The following SH3BGRL variants were observed in gnomAD, a reference collection of about 807,000 sequenced individuals.
SH3BGRL encodes the protein SH3 domain binding glutamate rich protein like, also known as adapter SH3BGRL.
In SH3BGRL, 7 loss-of-function variants were observed where a neutral mutation model predicts 9.8. That is an observed-to-expected ratio of 0.72 (90% CI 0.41 to 1.35). SH3BGRL has a LOEUF of 1.35. Among genes scored for constraint, SH3BGRL ranks in the 40% most tolerant of loss-of-function variants. The pLI, the probability that SH3BGRL is intolerant of heterozygous loss-of-function variation, is 0.01. For missense variants in SH3BGRL, 73 were observed against 84.4 expected, an observed-to-expected ratio of 0.86 and a Z score of 0.53; for synonymous variants, 36 against 29.1, an observed-to-expected ratio of 1.24 and a Z score of -0.76.
chrX:81,233,134 T>G (rs1378619440), intron 1 of SH3BGRL, among the ~76,000 whole-genome samples: 2 of 111,790 alleles, frequency 1.8e-5, no homozygotes, highest in Non-Finnish European at 3.8e-5. Context: ...AGTAGTTGAA[T>G]TTTTACAATT....
chrX:81,272,502 CTTTT>C (rs748353277), intron 1 of SH3BGRL, among the ~76,000 whole-genome samples: 3 of 95,655 alleles, frequency 3.1e-5, no homozygotes, highest in Non-Finnish European at 4.2e-5. Context: ...TTTTTCTTTT[CTTTT>C]TTTTTTTTTT....
intron 1 of SH3BGRL, among the ~76,000 whole-genome samples, chrX:81,214,250 C>T (rs899102582): frequency 5.4e-5 from 6 of 110,936 alleles, no homozygotes; most frequent in African/African-American, 9.8e-5. Context: ...TGGAGAAAAG[C>T]GGTTTCAGTA....
chrX:81,251,419 G>GTT (rs747200527), intron 1 of SH3BGRL, among the ~76,000 whole-genome samples: 13 of 103,495 alleles, frequency 1.3e-4, no homozygotes, highest in African/African-American at 4.6e-4. Context: ...ACAAATTACT[G>GTT]TTTTTTTTTT....
chrX:81,233,554 A>G (rs186565820), intron 1 of SH3BGRL, among the ~76,000 whole-genome samples: 373 of 111,317 alleles, frequency 3.4e-3, no homozygotes, highest in African/African-American at 0.012. Context: ...AGGATTTTAC[A>G]CTGACATGAC....
intron 1 of SH3BGRL, among the ~76,000 whole-genome samples, chrX:81,269,706 C>G (rs754883979): frequency 9.0e-6 from 1 of 110,500 alleles, no homozygotes; most frequent in South Asian, 3.9e-4. Flanking sequence ...TGGAGTTGCT[C>G]TTCTTGAGGG....
chrX:81,221,507 A>G (rs986264549), intron 1 of SH3BGRL, among the ~76,000 whole-genome samples: 5 of 111,729 alleles, frequency 4.5e-5, no homozygotes, highest in African/African-American at 1.6e-4. Context: ...ATTACTATAT[A>G]AGTAAAGATA....
intron 1 of SH3BGRL, 175 bp downstream of exon 1, chrX:81,202,420 T>TC (rs1300303373): frequency 3.9e-6 from 4 of 1,026,406 alleles, no homozygotes; most frequent in Non-Finnish European, 1.2e-6. Flanking sequence ...ATTTCATTTT[T>TC]TTTTTTTTCC....
intron 1 of SH3BGRL, among the ~76,000 whole-genome samples, chrX:81,222,283 T>C (rs953773195): frequency 1.8e-5 from 2 of 108,515 alleles, no homozygotes; most frequent in Non-Finnish European, 3.8e-5. Flanking sequence ...TAACTCGTCA[T>C]TTAACATTAG....
intron 1 of SH3BGRL, among the ~76,000 whole-genome samples, chrX:81,273,097 C>T (rs1052444481): frequency 1.8e-5 from 2 of 111,834 alleles, no homozygotes; most frequent in Admixed American, 9.4e-5. Flanking sequence ...ATGCTGTCAC[C>T]TTTGTGAGCT....
At chrX:81,204,198 G>GTAA (rs1486452847) in intron 1 of SH3BGRL, among the ~76,000 whole-genome samples, 2 of 111,951 alleles carry the variant, frequency 1.8e-5, no homozygotes, top group African/African-American at 6.5e-5. Flanking sequence ...ATCTACTGTA[G>GTAA]TAATTATAGT....
intron 1 of SH3BGRL, among the ~76,000 whole-genome samples, chrX:81,250,526 T>G (rs971716847): frequency 8.9e-6 from 1 of 112,477 alleles, no homozygotes; most frequent in Non-Finnish European, 1.9e-5. Flanking sequence ...AAGTTTGGTG[T>G]TGTACTCCAT....
chrX:81,241,593 G>C (rs966778374), intron 1 of SH3BGRL, among the ~76,000 whole-genome samples: 4 of 111,842 alleles, frequency 3.6e-5, no homozygotes, highest in African/African-American at 1.3e-4. Context: ...CCCACTTTTG[G>C]TCTCCTGAGT....
At chrX:81,250,905 C>T (rs946851560) in intron 1 of SH3BGRL, among the ~76,000 whole-genome samples, 1 of 111,634 alleles carries the variant, frequency 9.0e-6, no homozygotes, top group African/African-American at 3.3e-5. Flanking sequence ...CATTTTGTGA[C>T]CTGATATGAA....
chrX:81,279,747 C>G (rs1385010306), intron 3 of SH3BGRL, among the ~76,000 whole-genome samples: 1 of 110,729 alleles, frequency 9.0e-6, no homozygotes. Flanking sequence ...GGAGGGTGGC[C>G]AGAGGAGCAG....
At chrX:81,213,236 A>G (rs1378925248) in intron 1 of SH3BGRL, among the ~76,000 whole-genome samples, 1 of 111,900 alleles carries the variant, frequency 8.9e-6, no homozygotes. Flanking sequence ...ATAGTTGACT[A>G]TCTCCCAGTG....
chrX:81,255,522 A>T (rs2075723212), intron 1 of SH3BGRL: 1 of 111,981 alleles, frequency 8.9e-6, no homozygotes, highest in Non-Finnish European at 1.9e-5. Context: ...AATAATAATT[A>T]TTAAGGATAT....
intron 1 of SH3BGRL, among the ~76,000 whole-genome samples, chrX:81,229,274 A>G (rs910582305): frequency 1.8e-5 from 2 of 111,146 alleles, no homozygotes; most frequent in Non-Finnish European, 3.8e-5. Flanking sequence ...CTGACCCCAC[A>G]ACAGTGTCTT....
intron 3 of SH3BGRL, among the ~76,000 whole-genome samples, chrX:81,287,704 T>TC (rs1404504352): frequency 1.8e-5 from 2 of 109,761 alleles, no homozygotes; most frequent in Non-Finnish European, 3.8e-5. Context: ...TTAATATAGG[T>TC]GACGGGTTGA....
rs2075882984 is a variant in SH3BGRL, at chrX:81,298,428, ATTGT to A, written c.*1202_*1205del. 1 of 111,467 alleles carries A rather than the reference ATTGT, an allele frequency of 9.0e-6. No homozygotes were observed. The highest frequency in any genetic ancestry group is 1.9e-5 in the Non-Finnish European group (1 of 52,780). 9.2% of individuals were successfully genotyped at this position (111,467 alleles called of 1,213,427 possible). ...TTAAACTACATTATCATGTATATCT[ATTGT>A]ATGCTGGTCTTTACTTTTTGCCAAA... On this transcript the variant is annotated 3_prime_UTR_variant, in exon 4 of 4. Coordinates refer to ENST00000373212, the MANE Select transcript of SH3BGRL (RefSeq NM_003022.3).
Sources: gnomAD v4.1 joint callset for allele counts (sites outside exome capture counted in the v4.1 genomes callset) on GRCh38, gnomAD v4.1.1 for gene constraint, MANE v1.5 for transcripts, NCBI Gene and HGNC (gene_info 2026-07-23, HGNC 2026-07-21) for gene names.